PSD3: variants seen among roughly 807,000 people sequenced by gnomAD.
PSD3 encodes the protein PH and SEC7 domain-containing protein 3.
Under a neutral mutation model 105.5 loss-of-function variants are expected in PSD3, and 49 were observed. That is an observed-to-expected ratio of 0.46 (90% CI 0.37 to 0.59). PSD3 has a LOEUF of 0.59. Ranked by LOEUF, PSD3 falls within the 20% of genes least tolerant of loss-of-function variation. PSD3 has a pLI of 0.00. For missense variants in PSD3, 1,561 were observed against 1,263.8 expected, an observed-to-expected ratio of 1.24 and a Z score of -3.57; for synonymous variants, 557 against 457.8, an observed-to-expected ratio of 1.22 and a Z score of -2.77.
chr8:18,813,667 G>A (rs1811914445), intron 4 of PSD3, among the ~76,000 whole-genome samples: 2 of 152,286 alleles, frequency 1.3e-5, no homozygotes, highest in Admixed American at 1.3e-4. Context: ...ATTATCTGCT[G>A]GAGAACTCCA....
chr8:18,929,804 G>A (rs528840337), intron 2 of PSD3, among the ~76,000 whole-genome samples: 179 of 151,440 alleles, frequency 1.2e-3, no homozygotes, highest in Middle Eastern at 3.5e-3. Context: ...CCAGGAAACA[G>A]AAGATAATCT....
chr8:18,843,332 C>CA (rs371463032), intron 4 of PSD3, among the ~76,000 whole-genome samples: 58,106 of 118,252 alleles, frequency 0.49, 12,248 homozygotes, highest in Middle Eastern at 0.58. Flanking sequence ...GACTCCGTCT[C>CA]AAAAAAAAAA....
chr8:18,604,994 T>C (rs990045262), intron 11 of PSD3, among the ~76,000 whole-genome samples: 13 of 152,216 alleles, frequency 8.5e-5, no homozygotes, highest in African/African-American at 3.1e-4. Flanking sequence ...GGTGGAGCCC[T>C]CATGGAGAAT....
At chr8:18,993,483 C>T (rs1363566720) in intron 1 of PSD3, among the ~76,000 whole-genome samples, 1 of 152,046 alleles carries the variant, frequency 6.6e-6, no homozygotes, top group Non-Finnish European at 1.5e-5. Flanking sequence ...ATTGCTTTAA[C>T]AGTTAAATAA....
intron 11 of PSD3, among the ~76,000 whole-genome samples, chr8:18,602,173 G>C (rs1277397485): frequency 6.7e-6 from 1 of 150,130 alleles, no homozygotes; most frequent in Non-Finnish European, 1.5e-5. Flanking sequence ...TAATTTATTG[G>C]CATCTTGCGA....
intron 3 of PSD3, 150 bp downstream of exon 3, chr8:18,871,476 G>A (rs372259242): frequency 3.0e-6 from 3 of 1,004,462 alleles, no homozygotes; most frequent in East Asian, 2.5e-5. Flanking sequence ...TCTTAGCTTA[G>A]AAGGACCTAG....
chr8:18,799,163 C>A lies in PSD3; in HGVS notation c.2082+132G>T, dbSNP rs1242317228. 12 of 771,458 alleles carry A rather than the reference C, an allele frequency of 1.6e-5. No homozygotes were observed. The East Asian group carries it at 2.4e-4, about 15-fold the overall frequency. 47.8% of individuals were successfully genotyped at this position (771,458 alleles called of 1,614,324 possible). On this transcript the variant is annotated intron_variant, in intron 8 of 15. Coordinates refer to ENST00000327040, the MANE Select transcript of PSD3 (RefSeq NM_015310.4). ...AAATTATTTCTTTTTTCAAAGATTTCTTTTTATTCACCTGCCATGGGAACC... is the reference window on the plus strand; with the variant it reads ...AAATTATTTCTTTTTTCAAAGATTTATTTTTATTCACCTGCCATGGGAACC...
intron 1 of PSD3, among the ~76,000 whole-genome samples, chr8:18,984,679 T>C (rs529463255): frequency 3.3e-5 from 5 of 152,302 alleles, no homozygotes; most frequent in Admixed American, 1.3e-4. Flanking sequence ...ACAAAAATGT[T>C]GAGGTTTTTA....
chr8:18,779,599 A>G (rs1808420676), intron 8 of PSD3, among the ~76,000 whole-genome samples: 1 of 151,952 alleles, frequency 6.6e-6, no homozygotes, highest in Admixed American at 6.6e-5. Flanking sequence ...TCCTTTTATC[A>G]TGGCTTTTGC....
intron 14 of PSD3, among the ~76,000 whole-genome samples, chr8:18,559,143 T>G (rs1346419929): frequency 1.3e-5 from 2 of 152,216 alleles, no homozygotes; most frequent in Non-Finnish European, 1.5e-5. Context: ...CTATAGTGTG[T>G]CACAAAGTGT....
chr8:19,084,291 G>A (rs926362251), exon 1 of PSD3: 54 of 456,234 alleles, frequency 1.2e-4, no homozygotes, highest in Middle Eastern at 6.5e-4. Context: ...TGCCCTTGTC[G>A]CCTGCGCTGT....
At chr8:18,551,662 C>T (rs1800775653) in intron 15 of PSD3, among the ~76,000 whole-genome samples, 1 of 152,090 alleles carries the variant, frequency 6.6e-6, no homozygotes, top group Admixed American at 6.5e-5. Flanking sequence ...TACTCTGGGT[C>T]GCAATTCAGG....
chr8:18,647,461 T>A (rs567674647), intron 10 of PSD3, among the ~76,000 whole-genome samples: 2 of 152,180 alleles, frequency 1.3e-5, no homozygotes, highest in African/African-American at 4.8e-5. Flanking sequence ...GAAAGATTAT[T>A]CCACGATGCA....
intron 9 of PSD3, among the ~76,000 whole-genome samples, chr8:18,666,998 G>A (rs1799505921): frequency 6.6e-6 from 1 of 152,132 alleles, no homozygotes; most frequent in Non-Finnish European, 1.5e-5. Context: ...TGGTCTTGCT[G>A]GATGTGTTGG....
intron 14 of PSD3, among the ~76,000 whole-genome samples, chr8:18,564,803 C>T (rs1801629571): frequency 1.3e-5 from 2 of 152,048 alleles, no homozygotes; most frequent in Non-Finnish European, 2.9e-5. Context: ...AGCACCACTG[C>T]CTTGTGGTCA....
At chr8:18,574,185 C>T (rs1802336094) in intron 13 of PSD3, among the ~76,000 whole-genome samples, 1 of 152,106 alleles carries the variant, frequency 6.6e-6, no homozygotes, top group Non-Finnish European at 1.5e-5. Context: ...AAAGTCATTT[C>T]CTTCATCAAT....
intron 1 of PSD3, among the ~76,000 whole-genome samples, chr8:18,942,322 A>T (rs1822597431): frequency 6.6e-6 from 1 of 152,110 alleles, no homozygotes; most frequent in Non-Finnish European, 1.5e-5. Context: ...CAACAGTCAC[A>T]CTCTGCACTT....
intron 9 of PSD3, among the ~76,000 whole-genome samples, chr8:18,674,208 G>A (rs907836188): frequency 2.0e-5 from 3 of 152,130 alleles, no homozygotes; most frequent in Admixed American, 6.5e-5. Flanking sequence ...AGGGCATTCA[G>A]AAGGTCGACT....
rs567685702 is a variant in PSD3 at position 18,581,812 on chromosome 8, A to G, written c.2482-6527T>C. Reference sequence around the variant, plus strand: ...GTTTATTTCTCACATAGCTCCCAACATGACATTTTGTAAAGGGATCTGACA... The same window carrying G: ...GTTTATTTCTCACATAGCTCCCAACGTGACATTTTGTAAAGGGATCTGACA... On this transcript the variant is annotated intron_variant, in intron 12 of 15. Coordinates refer to ENST00000327040, the MANE Select transcript of PSD3 (RefSeq NM_015310.4). Among the ~76,000 whole-genome samples, 14 of 152,276 alleles carry G rather than the reference A, an allele frequency of 9.2e-5. No individual in the cohort carries two copies. In the East Asian group the frequency reaches 2.7e-3, roughly 29 times the overall value.
Sources: gnomAD v4.1 joint callset for allele counts (sites outside exome capture counted in the v4.1 genomes callset) on GRCh38, gnomAD v4.1.1 for gene constraint, MANE v1.5 for transcripts, NCBI Gene and HGNC (gene_info 2026-07-23, HGNC 2026-07-21) for gene names.